FOXP1: variants seen among roughly 807,000 people sequenced by gnomAD.
FOXP1 encodes the protein forkhead box P1.
FOXP1 carries 15 observed loss-of-function variants against 98.2 expected under a neutral mutation model. The ratio of observed to expected loss-of-function variants is 0.15; its 90% CI spans 0.10 to 0.24. The LOEUF (loss-of-function observed/expected upper bound fraction) is 0.24. Among genes scored for constraint, FOXP1 ranks in the 10% least tolerant of loss-of-function variants. The pLI is 1.00. For synonymous variants in FOXP1, 371 were observed against 314.5 expected, an observed-to-expected ratio of 1.18 and a Z score of -1.90; for missense variants, 633 against 848.5, an observed-to-expected ratio of 0.75 and a Z score of 3.15.
chr3:71,526,715 C>G (rs1031544385), intron 2 of FOXP1, among the ~76,000 whole-genome samples: 5 of 152,186 alleles, frequency 3.3e-5, no homozygotes, highest in Admixed American at 1.3e-4. Flanking sequence ...CGCCTATAAT[C>G]CCAGCACTTT....
intron 6 of FOXP1, among the ~76,000 whole-genome samples, chr3:71,155,248 T>C (rs2060763980): frequency 1.3e-5 from 2 of 152,218 alleles, no homozygotes; most frequent in South Asian, 4.1e-4. Flanking sequence ...AACCAAGCAG[T>C]GCTCGGGTGC....
At chr3:70,980,631 C>T (rs1275915643) in intron 14 of FOXP1, among the ~76,000 whole-genome samples, 4 of 152,210 alleles carry the variant, frequency 2.6e-5, no homozygotes, top group Non-Finnish European at 5.9e-5. Flanking sequence ...AAAATGAACA[C>T]TAACCAGTTT....
intron 3 of FOXP1, among the ~76,000 whole-genome samples, chr3:71,441,620 C>T (rs1200815628): frequency 6.6e-6 from 1 of 152,170 alleles, no homozygotes; most frequent in African/African-American, 2.4e-5. Context: ...GGAATGTGTC[C>T]AAAGTCAGTA....
chr3:71,048,373 C>T (rs916408528), intron 9 of FOXP1, among the ~76,000 whole-genome samples: 3 of 152,104 alleles, frequency 2.0e-5, no homozygotes, highest in Admixed American at 2.0e-4. Flanking sequence ...CCTTCTGATG[C>T]AAAGTTCAAA....
rs886058864 is a variant in FOXP1 at position 70,972,566 on chromosome 3, T to C, written c.1641A>G (p.Gln547=). The C allele has an allele frequency of 1.9e-6, 3 of 1,614,126 alleles. No homozygotes were observed. The highest frequency in any genetic ancestry group is 1.3e-5 in the African/African-American group (1 of 74,942). ...DEVEFQKRRP[Q]KISGNPSLIK... ...CATGGTGGACGTACCCACTGATCTT[T>C]TGTGGCCTTCGTTTTTGGAATTCTA... is the stretch of plus-strand genomic sequence containing the variant. The change falls in exon 18 of 21, where the codon CAA becomes CAG. Residue 547 remains glutamine, a synonymous_variant. Transcript: ENST00000649528.
chr3:71,181,509 G>A (rs1314057190), intron 6 of FOXP1, among the ~76,000 whole-genome samples: 1 of 152,142 alleles, frequency 6.6e-6, no homozygotes, highest in Non-Finnish European at 1.5e-5. Context: ...TGTAGGCGCT[G>A]GTGGGTGGGT....
chr3:71,580,745 T>A, intron 2 of FOXP1: 6 of 976,948 alleles, frequency 6.1e-6, no homozygotes, highest in Non-Finnish European at 6.1e-6. Flanking sequence ...AGCAGAAAAA[T>A]TCCTTTAAAT....
At chr3:71,272,600 C>T (rs2070476269) in intron 5 of FOXP1, among the ~76,000 whole-genome samples, 2 of 151,312 alleles carry the variant, frequency 1.3e-5, no homozygotes, top group South Asian at 4.2e-4. Context: ...GTCTCTAGTC[C>T]CTTGTTTTCC....
At chr3:71,358,713 A>G (rs7637696) in intron 4 of FOXP1, among the ~76,000 whole-genome samples, 4,461 of 152,240 alleles carry the variant, frequency 0.029, 218 homozygotes, top group African/African-American at 0.1. Flanking sequence ...ACAGCCTACT[A>G]TAGTCTTCAG....
chr3:71,264,329 A>T (rs2069437398), intron 5 of FOXP1, among the ~76,000 whole-genome samples: 1 of 152,192 alleles, frequency 6.6e-6, no homozygotes, highest in South Asian at 2.1e-4. Flanking sequence ...GGAAAGCTAA[A>T]CAAAAGCGAT....
chr3:71,275,166 C>T (rs924086029), intron 5 of FOXP1, among the ~76,000 whole-genome samples: 2 of 152,102 alleles, frequency 1.3e-5, no homozygotes, highest in African/African-American at 4.8e-5. Context: ...TTCTATTTAC[C>T]CACTTGGTCA....
At chr3:71,580,733 GT>G in intron 2 of FOXP1, 2 of 957,432 alleles carry the variant, frequency 2.1e-6, no homozygotes, top group Non-Finnish European at 2.5e-6. Flanking sequence ...TATATTTTCA[GT>G]AGCAGAAAAA....
chr3:71,167,431 A>T (rs1232784194), intron 6 of FOXP1, among the ~76,000 whole-genome samples: 3 of 152,330 alleles, frequency 2.0e-5, no homozygotes, highest in Admixed American at 1.3e-4. Flanking sequence ...TTTAAAGCGT[A>T]AGAGAGCACG....
intron 5 of FOXP1, among the ~76,000 whole-genome samples, chr3:71,246,046 C>T (rs2106973201): frequency 6.6e-6 from 1 of 151,662 alleles, no homozygotes; most frequent in East Asian, 2.0e-4. Flanking sequence ...ACTCAAAGGT[C>T]AGGGCTAGGC....
chr3:71,464,845 C>A (rs1296969968), intron 3 of FOXP1, among the ~76,000 whole-genome samples: 1 of 152,172 alleles, frequency 6.6e-6, no homozygotes, highest in Non-Finnish European at 1.5e-5. Context: ...AACCAGACTG[C>A]CCCAAGTCTA....
Position 71,475,355 on chromosome 3 carries a change from T to TA in FOXP1, c.-168+18070dup, listed in dbSNP as rs1029641854. Among the ~76,000 whole-genome samples the TA allele has an allele frequency of 1.1e-3, 170 of 151,980 alleles. 1 individual carries two copies. Among genetic ancestry groups the TA allele is most frequent in the African/African-American group, 3.8e-3 (157 of 41,364 alleles). ...AAGAAGTAATGATTAGCACAGAAAATACGTTTGGTCTCAAATATTCCCACC... is the reference window on the plus strand; with the variant it reads ...AAGAAGTAATGATTAGCACAGAAAATAACGTTTGGTCTCAAATATTCCCACC... On this transcript the variant is annotated intron_variant, in intron 3 of 20. Transcript: ENST00000649528.
intron 3 of FOXP1, among the ~76,000 whole-genome samples, chr3:71,491,606 A>T (rs931919111): frequency 2.0e-5 from 3 of 152,126 alleles, no homozygotes; most frequent in Admixed American, 6.5e-5. Context: ...GGAAGACAGG[A>T]GGCTGGATTT....
intron 7 of FOXP1, among the ~76,000 whole-genome samples, chr3:71,092,344 C>A (rs1454825019): frequency 6.6e-6 from 1 of 152,034 alleles, no homozygotes; most frequent in Non-Finnish European, 1.5e-5. Context: ...TCACTGCACT[C>A]CAGCCTGGGT....
intron 19 of FOXP1, among the ~76,000 whole-genome samples, chr3:70,967,225 A>T (rs975108800): frequency 6.6e-6 from 1 of 152,210 alleles, no homozygotes; most frequent in African/African-American, 2.4e-5. Flanking sequence ...CTCTAGAAAG[A>T]AAGTAAAAGC....
Sources: allele counts gnomAD v4.1 joint callset (sites outside exome capture counted in the v4.1 genomes callset), GRCh38; gene constraint gnomAD v4.1.1; transcripts MANE v1.5; gene names NCBI Gene and HGNC (gene_info 2026-07-23, HGNC 2026-07-21).